Variants in ALS2 observed in about 807,000 individuals in gnomAD.
The protein encoded by ALS2 is alsin.
A neutral mutation model predicts 203.4 loss-of-function variants in ALS2; 117 were observed. The ratio of observed to expected loss-of-function variants is 0.58; its 90% CI spans 0.50 to 0.67. The LOEUF is 0.67. Ranked by LOEUF, ALS2 falls within the 30% of genes least tolerant of loss-of-function variation. The pLI, the probability that ALS2 is intolerant of heterozygous loss-of-function variation, is 0.00. For synonymous variants in ALS2, 718 were observed against 725.9 expected, an observed-to-expected ratio of 0.99 and a Z score of 0.17; for missense variants, 1,715 against 1,989.4, an observed-to-expected ratio of 0.86 and a Z score of 2.62.
At chr2:201,725,283 G>A in intron 20 of ALS2, 73 bp downstream of exon 20, 1 of 1,223,480 alleles carries the variant, frequency 8.2e-7, no homozygotes, top group Non-Finnish European at 1.2e-6. Context: ...TGGAAATTTT[G>A]GCTATGCAAA....
chr2:201,732,296 G>T (rs1348986525), intron 13 of ALS2, among the ~76,000 whole-genome samples: 1 of 151,210 alleles, frequency 6.6e-6, no homozygotes, highest in Non-Finnish European at 1.5e-5. Flanking sequence ...GCTCATGCCT[G>T]TAATCCTAGC....
At position 201,701,406 on chromosome 2, in the gene ALS2, A is replaced by C. The variant is rs1689381122; in HGVS notation, c.*445T>G. On this transcript the variant is annotated 3_prime_UTR_variant, in exon 34 of 34. Coordinates refer to ENST00000264276, the MANE Select transcript of ALS2 (RefSeq NM_020919.4). Reference sequence around the variant, plus strand: ...TGTGGCCACTATAGTTTCAAGTACGATCTGGTTCTTGCAAACGGATCGGGG... The same window carrying C: ...TGTGGCCACTATAGTTTCAAGTACGCTCTGGTTCTTGCAAACGGATCGGGG... The C allele has an allele frequency of 6.2e-6, 1 of 160,980 alleles. No individual in the cohort carries two copies. Among genetic ancestry groups the C allele is most frequent in the African/African-American group, 2.4e-5 (1 of 41,516 alleles). The allele number at this position is 160,980 out of a possible 1,614,324, so 10.0% of individuals were successfully genotyped here.
At chr2:201,766,059 CTTG>C (rs1016436532) in intron 3 of ALS2, among the ~76,000 whole-genome samples, 4 of 152,180 alleles carry the variant, frequency 2.6e-5, no homozygotes, top group Non-Finnish European at 4.4e-5. Flanking sequence ...ATCTCACTAA[CTTG>C]TTATCTACTA....
intron 23 of ALS2, among the ~76,000 whole-genome samples, chr2:201,721,757 A>G (rs1479237931): frequency 2.0e-5 from 3 of 152,104 alleles, no homozygotes; most frequent in Non-Finnish European, 4.4e-5. Context: ...TCCGCCTCCC[A>G]GGTTCACGCC....
chr2:201,723,399 T>G lies in ALS2; in HGVS notation c.3555A>C (p.Gln1185His), dbSNP rs1690940477. 1.2e-6 allele frequency: 2 copies of G among 1,614,020 alleles called. No homozygotes were observed. Among genetic ancestry groups the G allele is most frequent in the Non-Finnish European group, 1.7e-6 (2 of 1,180,008 alleles). ...ACTGGGTAACCACCACACCATTCCC[T>G]TGACACACATCATCTTGCCACATTC... is the stretch of plus-strand genomic sequence containing the variant. ...YMGMWQDDVC[Q>H]GNGVVVTQFG... The change falls in exon 22 of 34, where the codon CAA becomes CAC. Residue 1185 changes from glutamine (Q) to histidine (H), a missense_variant. Physicochemically the swap from Gln to His is conservative, Grantham distance 24 (BLOSUM62 0). Coordinates refer to ENST00000264276, the MANE Select transcript of ALS2 (RefSeq NM_020919.4).
chr2:201,714,079 C>T (rs1321691376), intron 25 of ALS2, among the ~76,000 whole-genome samples: 18 of 151,982 alleles, frequency 1.2e-4, no homozygotes, highest in Admixed American at 9.8e-4. Flanking sequence ...GACAGGAGTT[C>T]GAGACCAGCC....
chr2:201,749,766 G>C lies in ALS2; in HGVS notation c.1761C>G (p.Thr587=). The C allele has an allele frequency of 1.9e-6, 3 of 1,614,020 alleles. No individual in the cohort carries two copies. The highest frequency in any genetic ancestry group is 2.5e-6 in the Non-Finnish European group (3 of 1,179,996). ...KSQVYSWGSN[T]FGQLGHSDFP... ...AATCGGAATGCCCAAGTTGACCAAA[G>C]GTATTGCTACCCCATGAGTAAACCT... Residue 587 remains threonine (T), a synonymous_variant, in exon 8 of 34, where the codon ACC becomes ACG. Coordinates refer to ENST00000264276, the MANE Select transcript of ALS2 (RefSeq NM_020919.4).
At chr2:201,705,012 T>C in intron 31 of ALS2, 127 bp downstream of exon 31, 1 of 932,204 alleles carries the variant, frequency 1.1e-6, no homozygotes, top group South Asian at 1.5e-5. Context: ...CCAGATTGAG[T>C]TTGACACCAT....
chr2:201,712,789 T>A (rs1018920786), intron 25 of ALS2, among the ~76,000 whole-genome samples: 3 of 151,824 alleles, frequency 2.0e-5, no homozygotes, highest in African/African-American at 7.3e-5. Flanking sequence ...AAAGAAAATT[T>A]TAAAAAGGAG....
chr2:201,752,764 A>T (rs1444659928), intron 7 of ALS2, among the ~76,000 whole-genome samples: 2 of 152,198 alleles, frequency 1.3e-5, no homozygotes, highest in East Asian at 3.8e-4. Flanking sequence ...CACAGTTTTA[A>T]AGAAAAATGA....
chr2:201,754,084 T>C (rs1041699811), intron 6 of ALS2, among the ~76,000 whole-genome samples: 1 of 151,990 alleles, frequency 6.6e-6, no homozygotes, highest in South Asian at 2.1e-4. Flanking sequence ...AATCTCAGCT[T>C]ACTGCAACCT....
intron 7 of ALS2, among the ~76,000 whole-genome samples, chr2:201,751,054 T>C (rs1370710521): frequency 2.0e-5 from 3 of 152,000 alleles, no homozygotes; most frequent in Non-Finnish European, 2.9e-5. Flanking sequence ...GGTTTCACCA[T>C]GTTGGCCAGG....
At chr2:201,709,845 C>A in intron 27 of ALS2, 36 bp downstream of exon 27, 1 of 1,612,946 alleles carries the variant, frequency 6.2e-7, no homozygotes, top group South Asian at 1.1e-5. Flanking sequence ...AAATAGTATT[C>A]CATAGCCCGC....
At position 201,744,311 on chromosome 2, in the gene ALS2, T is replaced by C. The variant is rs1443684422; in HGVS notation, c.2117A>G (p.Tyr706Cys). The C allele has an allele frequency of 3.1e-6, 5 of 1,614,184 alleles. No individual in the cohort carries two copies. Among genetic ancestry groups the C allele is most frequent in the Non-Finnish European group, 4.2e-6 (5 of 1,180,016 alleles). Residue 706 changes from tyrosine (Y) to cysteine (C), a missense_variant, in exon 10 of 34, where the codon TAT becomes TGT. Transcript: ENST00000264276. ...AGATTTGATATCACTTAGTTTTGAA[T>C]AGAATCGTCTTTCTGTAGTAGCTAA... The part of the protein sequence containing the change: ...HELATTERRF[Y>C]SKLSDIKSQI...
At chr2:201,758,449 T>A (rs965475411) in intron 4 of ALS2, among the ~76,000 whole-genome samples, 2 of 152,100 alleles carry the variant, frequency 1.3e-5, no homozygotes, top group African/African-American at 4.8e-5. Context: ...ATGTGGTAGG[T>A]TAATAATTAA....
At chr2:201,724,132 A>G (rs1208449700) in intron 21 of ALS2, among the ~76,000 whole-genome samples, 163 bp downstream of exon 21, 2 of 152,126 alleles carry the variant, frequency 1.3e-5, no homozygotes, top group Non-Finnish European at 2.9e-5. Flanking sequence ...AAAAGTAAAT[A>G]AAAGGGTTTG....
At chr2:201,711,938 A>C (rs1003209765) in intron 25 of ALS2, among the ~76,000 whole-genome samples, 12 of 152,218 alleles carry the variant, frequency 7.9e-5, no homozygotes, top group African/African-American at 2.9e-4. Flanking sequence ...TACTAAGCTG[A>C]CCATCTGTAT....
Position 201,726,816 on chromosome 2 carries a change from C to A in ALS2, c.3030G>T (p.Gly1010=), listed in dbSNP as rs1481001095. ...ISQAVDQALR[G]MSDLPPYGSG... is the part of the protein sequence containing the mutation. ...TTCCATAAGGGGGGAGATCAGACAT[C>A]CCTCTCAAAGCCTGATCTACGGCTT... The change falls in exon 18 of 34, where the codon GGG becomes GGT. Residue 1010 remains glycine, a synonymous_variant. Transcript: ENST00000264276. The A allele has an allele frequency of 2.5e-6, 4 of 1,614,178 alleles. No homozygotes were observed. In the South Asian group the frequency reaches 3.3e-5, roughly 13 times the overall value.
chr2:201,722,468 T>TTA (rs1419626300), intron 23 of ALS2: 1 of 152,364 alleles, frequency 6.6e-6, no homozygotes, highest in African/African-American at 2.4e-5. Flanking sequence ...AACTTAGCAA[T>TTA]TACACTCCAG....
Sources: allele counts gnomAD v4.1 joint callset (sites outside exome capture counted in the v4.1 genomes callset), GRCh38; gene constraint gnomAD v4.1.1; transcripts MANE v1.5; gene names NCBI Gene and HGNC (gene_info 2026-07-23, HGNC 2026-07-21).